TRDN: variants seen among roughly 807,000 people sequenced by gnomAD.
TRDN encodes the protein triadin.
In TRDN, 161 loss-of-function variants were observed where a neutral mutation model predicts 149.7. The observed-to-expected ratio is 1.08, with a 90% confidence interval of 0.95 to 1.23. The LOEUF (loss-of-function observed/expected upper bound fraction) is 1.23. Ranked by LOEUF, TRDN falls within the 50% of genes most tolerant of loss-of-function variation. TRDN has a pLI of 0.00. For missense variants in TRDN, 896 were observed against 823.5 expected (o/e 1.09, Z -1.08); for synonymous variants, 294 against 250.5 (o/e 1.17, Z -1.64).
At chr6:123,293,088 A>G (rs1778070804) in intron 24 of TRDN, among the ~76,000 whole-genome samples, 1 of 152,266 alleles carries the variant, frequency 6.6e-6, no homozygotes, top group Non-Finnish European at 1.5e-5. Flanking sequence ...GCATCAGGAA[A>G]TCATCTTCAC....
intron 1 of TRDN, among the ~76,000 whole-genome samples, chr6:123,590,962 A>C (rs1318644500): frequency 6.6e-6 from 1 of 152,156 alleles, no homozygotes; most frequent in Non-Finnish European, 1.5e-5. Flanking sequence ...GACTGAATTT[A>C]TTGAGTAGCC....
At chr6:123,254,656 G>A (rs1776492275) in intron 37 of TRDN, among the ~76,000 whole-genome samples, 1 of 151,782 alleles carries the variant, frequency 6.6e-6, no homozygotes, top group Admixed American at 6.6e-5. Context: ...CCTATTTTGT[G>A]TCTAGGTTGA....
At chr6:123,419,202 T>C (rs1773792485) in intron 12 of TRDN, among the ~76,000 whole-genome samples, 1 of 152,118 alleles carries the variant, frequency 6.6e-6, no homozygotes, top group South Asian at 2.1e-4. Context: ...CCAGGGCTTC[T>C]ATACCATAGA....
At chr6:123,518,927 A>G (rs553089856) in intron 5 of TRDN, among the ~76,000 whole-genome samples, 2 of 152,282 alleles carry the variant, frequency 1.3e-5, no homozygotes, top group Admixed American at 1.3e-4. Context: ...GCAATGCAAC[A>G]ATCAGCAACT....
intron 24 of TRDN, among the ~76,000 whole-genome samples, chr6:123,303,916 G>GA (rs202018212): frequency 6.6e-5 from 10 of 151,910 alleles, no homozygotes; most frequent in African/African-American, 2.2e-4. Context: ...ATAAGAATCA[G>GA]AAAAAAACAG....
chr6:123,499,719 A>AATATATATATATATATACATAT (rs1778612973), intron 8 of TRDN, among the ~76,000 whole-genome samples: 12 of 47,646 alleles, frequency 2.5e-4, no homozygotes, highest in Non-Finnish European at 4.0e-4. Context: ...AAAAAAAAAA[A>AATATATATATATATATACATAT]ATATATATAT....
chr6:123,245,514 G>T (rs1257244016), intron 38 of TRDN, among the ~76,000 whole-genome samples: 3 of 152,094 alleles, frequency 2.0e-5, no homozygotes, highest in African/African-American at 7.2e-5. Context: ...TTACATAATG[G>T]TAAAGGGATC....
chr6:123,289,046 T>TAC (rs1777903964), intron 24 of TRDN, among the ~76,000 whole-genome samples: 1 of 147,426 alleles, frequency 6.8e-6, no homozygotes, highest in Non-Finnish European at 1.5e-5. Context: ...TGTATATATA[T>TAC]ATACACTATA....
intron 21 of TRDN, among the ~76,000 whole-genome samples, chr6:123,342,561 C>T (rs1171919169): frequency 2.0e-5 from 3 of 151,732 alleles, no homozygotes; most frequent in South Asian, 2.1e-4. Context: ...AACATAAGAT[C>T]GCTTTAACTT....
intron 4 of TRDN, among the ~76,000 whole-genome samples, chr6:123,536,728 A>AATAC (rs1780559230): frequency 6.7e-6 from 1 of 150,208 alleles, no homozygotes; most frequent in South Asian, 2.1e-4. Context: ...TAAATAAATA[A>AATAC]ATAAAAATGA....
chr6:123,299,117 A>G (rs1778312097), intron 24 of TRDN, among the ~76,000 whole-genome samples: 1 of 151,994 alleles, frequency 6.6e-6, no homozygotes, highest in Non-Finnish European at 1.5e-5. Flanking sequence ...TCACCTCCCC[A>G]TCATACCCTG....
chr6:123,280,608 T>G (rs1047513698), intron 24 of TRDN, among the ~76,000 whole-genome samples: 4 of 151,792 alleles, frequency 2.6e-5, no homozygotes, highest in Non-Finnish European at 4.4e-5. Context: ...ATCATCAGGG[T>G]TTAGTCCCCT....
At position 123,221,540 on chromosome 6, in the gene TRDN, TA is replaced by T; in HGVS notation, c.2015-19del. On this transcript the variant is annotated intron_variant, in intron 39 of 40. Coordinates refer to ENST00000334268, the MANE Select transcript of TRDN (RefSeq NM_006073.4). ...AGTTCCTTCTAGTGGATAAAAAATA[TA>T]AAAGTAAATAACTTGTACATTTACA... 1 of 1,518,100 alleles carries T rather than the reference TA, an allele frequency of 6.6e-7. No homozygotes were observed. The highest frequency in any genetic ancestry group is 9.0e-7 in the Non-Finnish European group (1 of 1,106,822). The allele number at this position is 1,518,100 out of a possible 1,614,324, so 94.0% of individuals were successfully genotyped here. A position where few individuals can be genotyped will look rare whatever the true frequency, so the allele number is the denominator to read the frequency against.
At chr6:123,463,350 A>T (rs143381555) in intron 10 of TRDN, among the ~76,000 whole-genome samples, 3,887 of 114,254 alleles carry the variant, frequency 0.034, 167 homozygotes, top group African/African-American at 0.1. Flanking sequence ...GAAAAAAAAA[A>T]AATAAATAAT....
At chr6:123,462,573 T>A (rs1425600140) in intron 10 of TRDN, 1 of 152,216 alleles carries the variant, frequency 6.6e-6, no homozygotes, top group Non-Finnish European at 1.5e-5. Flanking sequence ...TGAGCTCTAC[T>A]TTTAAAAAAC....
chr6:123,235,332 C>T (rs1320051827), intron 38 of TRDN, among the ~76,000 whole-genome samples: 1 of 151,988 alleles, frequency 6.6e-6, no homozygotes, highest in African/African-American at 2.4e-5. Flanking sequence ...GTGCTGGAAC[C>T]TTCAGATACC....
intron 9 of TRDN, among the ~76,000 whole-genome samples, chr6:123,487,697 A>G (rs1778033569): frequency 6.6e-6 from 1 of 152,096 alleles, no homozygotes; most frequent in East Asian, 1.9e-4. Context: ...TGCCAATTTT[A>G]GTTTATCCTC....
intron 9 of TRDN, among the ~76,000 whole-genome samples, chr6:123,469,435 C>T (rs554465417): frequency 5.3e-5 from 8 of 152,222 alleles, no homozygotes; most frequent in Non-Finnish European, 1.0e-4. Flanking sequence ...ATTGAATTGC[C>T]ACTCATATAA....
At chr6:123,455,027 C>T (rs1776022909) in intron 10 of TRDN, among the ~76,000 whole-genome samples, 1 of 152,176 alleles carries the variant, frequency 6.6e-6, no homozygotes, top group Non-Finnish European at 1.5e-5. Context: ...CTGTGAAAAA[C>T]TTTCAAGCTG....
Sources: allele counts gnomAD v4.1 joint callset (sites outside exome capture counted in the v4.1 genomes callset), GRCh38; gene constraint gnomAD v4.1.1; transcripts MANE v1.5; gene names NCBI Gene and HGNC (gene_info 2026-07-23, HGNC 2026-07-21).